SSPN: variants seen among roughly 807,000 people sequenced by gnomAD.
The protein encoded by SSPN is sarcospan.
SSPN carries 15 observed loss-of-function variants against 19.1 expected under a neutral mutation model. The observed-to-expected ratio is 0.78, with a 90% CI of 0.52 to 1.21. The LOEUF (loss-of-function observed/expected upper bound fraction) is 1.21. Among genes scored for constraint, SSPN ranks in the 50% most tolerant of loss-of-function variants. The probability of loss-of-function intolerance (pLI) is 0.00; values close to 1 mark genes in which losing one functional copy is unlikely to be tolerated. For synonymous variants in SSPN, 147 were observed against 140.3 expected, an observed-to-expected ratio of 1.05 and a Z score of -0.34; for missense variants, 291 against 314.0, an observed-to-expected ratio of 0.93 and a Z score of 0.55.
chr12:26,126,105 T>TGC (rs1487342299), intron 1 of SSPN: 5 of 152,148 alleles, frequency 3.3e-5, no homozygotes, highest in Non-Finnish European at 5.9e-5. Context: ...GGGGAACCCG[T>TGC]GCGCGCGCGC....
chr12:26,223,505 C>CA (rs56749206), intron 1 of SSPN, among the ~76,000 whole-genome samples: 43,901 of 152,118 alleles, frequency 0.29, 6,586 homozygotes, highest in Admixed American at 0.4. Flanking sequence ...GCACCGCACC[C>CA]GCTTATATGT....
chr12:26,132,920 C>T (rs1179596301), intron 1 of SSPN, among the ~76,000 whole-genome samples: 1 of 152,230 alleles, frequency 6.6e-6, no homozygotes, highest in Non-Finnish European at 1.5e-5. Context: ...CCTCAGCCCT[C>T]ACCCTGACCC....
chr12:26,124,770 C>T (rs1944348574), intron 1 of SSPN: 1 of 1,614,164 alleles, frequency 6.2e-7, no homozygotes, highest in Admixed American at 1.7e-5. Flanking sequence ...TGAGGAATTC[C>T]TTCGTCCATG....
At chr12:26,193,270 G>T (rs1944800041), upstream of SSPN, among the ~76,000 whole-genome samples, 1 of 152,136 alleles carries the variant, frequency 6.6e-6, no homozygotes, top group African/African-American at 2.4e-5. Context: ...TAATCCTTTA[G>T]ACCATTGGCT....
intron 1 of SSPN, among the ~76,000 whole-genome samples, chr12:26,161,882 C>A (rs2343865): frequency 0.23 from 34,304 of 152,104 alleles, 4,058 homozygotes; most frequent in East Asian, 0.35. Flanking sequence ...ACTGATTTGA[C>A]AGAAGTGGGA....
chr12:26,124,726 A>G, intron 1 of SSPN: 1 of 1,614,062 alleles, frequency 6.2e-7, no homozygotes, highest in Non-Finnish European at 8.5e-7. Context: ...ACCCTATAAA[A>G]TCTCTATGTT....
chr12:26,221,765 C>T (rs781248270), intron 1 of SSPN, among the ~76,000 whole-genome samples: 25 of 152,156 alleles, frequency 1.6e-4, no homozygotes, highest in Admixed American at 1.6e-3. Flanking sequence ...AAGGCAGTTA[C>T]GTGGGAGAGC....
chr12:26,122,375 C>A (rs998139698), intron 1 of SSPN: 3 of 1,204,484 alleles, frequency 2.5e-6, no homozygotes, highest in African/African-American at 3.2e-5. Context: ...GGGCGGCAGC[C>A]GCCGCCGGGT....
At chr12:26,178,163 A>T (rs1944696090) in intron 1 of SSPN, among the ~76,000 whole-genome samples, 1 of 152,188 alleles carries the variant, frequency 6.6e-6, no homozygotes, top group Non-Finnish European at 1.5e-5. Context: ...CTAATAACTG[A>T]GAAGCAACAG....
At chr12:26,160,835 T>C (rs1257160507) in intron 1 of SSPN, among the ~76,000 whole-genome samples, 3 of 152,040 alleles carry the variant, frequency 2.0e-5, no homozygotes. Flanking sequence ...CGACTGGGCA[T>C]GGTGGCTCAC....
chr12:26,125,205 T>C (rs928394160), intron 1 of SSPN: 6 of 305,530 alleles, frequency 2.0e-5, no homozygotes, highest in Non-Finnish European at 3.1e-5. Flanking sequence ...CGGGGACACC[T>C]GATCAGGGCC....
At position 26,164,365 on chromosome 12, in the gene SSPN, C is replaced by G. The variant is rs1028984501; in HGVS notation, c.-31+42213C>G. Among the ~76,000 whole-genome samples, 94 of 152,282 alleles carry G rather than the reference C, an allele frequency of 6.2e-4. 1 individual carries two copies. Among genetic ancestry groups the G allele is most frequent in the African/African-American group, 2.2e-3 (91 of 41,552 alleles). On this transcript the variant is annotated intron_variant, in intron 1 of 2. Transcript: ENST00000538142. ...GGTGATTCTTAGTCTGTTTCAGCAC[C>G]ATGCTGTTTGGGTCTGACACAGAAT...
chr12:26,198,078 G>C (rs1014475474), intron 1 of SSPN, among the ~76,000 whole-genome samples: 1 of 149,006 alleles, frequency 6.7e-6, no homozygotes, highest in Admixed American at 6.6e-5. Context: ...AAAAGATAAC[G>C]AGGCAGATGG....
At chr12:26,218,858 T>C (rs1235353383) in intron 1 of SSPN, among the ~76,000 whole-genome samples, 1 of 152,208 alleles carries the variant, frequency 6.6e-6, no homozygotes, top group Admixed American at 6.5e-5. Flanking sequence ...TACTTTATCT[T>C]AATGTATATT....
At chr12:26,145,061 A>G (rs17464133) in intron 1 of SSPN, among the ~76,000 whole-genome samples, 5,892 of 152,300 alleles carry the variant, frequency 0.039, 146 homozygotes, top group South Asian at 0.069. Flanking sequence ...TAGCTGAAGC[A>G]GTGAGAGATT....
chr12:26,226,395 C>A (rs1449396377), intron 2 of SSPN, among the ~76,000 whole-genome samples: 2 of 152,176 alleles, frequency 1.3e-5, no homozygotes, highest in Admixed American at 1.3e-4. Flanking sequence ...CTGTTGAATG[C>A]CCAGATAGCC....
At chr12:26,152,437 T>C (rs1373810026) in intron 1 of SSPN, among the ~76,000 whole-genome samples, 1 of 152,212 alleles carries the variant, frequency 6.6e-6, no homozygotes, top group Non-Finnish European at 1.5e-5. Context: ...AATGGCTATG[T>C]TTAGCAACTG....
chr12:26,204,273 T>C (rs189660211), intron 1 of SSPN, among the ~76,000 whole-genome samples: 15 of 152,278 alleles, frequency 9.9e-5, no homozygotes, highest in African/African-American at 3.6e-4. Context: ...CTCATGCCAG[T>C]AGTGAGACAT....
chr12:26,138,655 C>T (rs1944442110), intron 1 of SSPN, among the ~76,000 whole-genome samples: 1 of 139,746 alleles, frequency 7.2e-6, no homozygotes, highest in Non-Finnish European at 1.5e-5. Flanking sequence ...TCACATTGCA[C>T]AAGGAAAGTC....
Sources: gnomAD v4.1 joint callset for allele counts (sites outside exome capture counted in the v4.1 genomes callset) on GRCh38, gnomAD v4.1.1 for gene constraint, MANE v1.5 for transcripts, NCBI Gene and HGNC (gene_info 2026-07-23, HGNC 2026-07-21) for gene names.